Variants in GPC6 observed in about 807,000 individuals in gnomAD.
The protein encoded by GPC6 is glypican-6.
In GPC6, 14 loss-of-function variants were observed where a neutral mutation model predicts 55.2. That is an observed-to-expected ratio of 0.25 (90% confidence interval 0.17 to 0.40). The LOEUF (loss-of-function observed/expected upper bound fraction) is 0.40, where lower values mean the gene tolerates loss of function less well. Among genes scored for constraint, GPC6 ranks in the 10% least tolerant of loss-of-function variants. The pLI is 1.00. For missense variants in GPC6, 641 were observed against 708.5 expected, an observed-to-expected ratio of 0.90 and a Z score of 1.08; for synonymous variants, 278 against 259.6, an observed-to-expected ratio of 1.07 and a Z score of -0.68.
At chr13:93,610,217 A>G (rs1393798761) in intron 2 of GPC6, among the ~76,000 whole-genome samples, 1 of 152,200 alleles carries the variant, frequency 6.6e-6, no homozygotes, top group Non-Finnish European at 1.5e-5. Flanking sequence ...TTTTAACTAG[A>G]TGGAGGGGAG....
chr13:93,804,374 T>C (rs899494104), intron 2 of GPC6, among the ~76,000 whole-genome samples: 4 of 152,212 alleles, frequency 2.6e-5, no homozygotes, highest in East Asian at 1.9e-4. Flanking sequence ...CCATTACATA[T>C]GTACATGACC....
At chr13:93,362,375 TACC>T (rs1881071403) in intron 1 of GPC6, among the ~76,000 whole-genome samples, 2 of 152,160 alleles carry the variant, frequency 1.3e-5, no homozygotes, top group African/African-American at 4.8e-5. Flanking sequence ...ACAGTATTAG[TACC>T]CATAAAGACA....
At chr13:94,342,666 G>A (rs969824841) in intron 6 of GPC6, among the ~76,000 whole-genome samples, 2 of 152,196 alleles carry the variant, frequency 1.3e-5, no homozygotes, top group African/African-American at 4.8e-5. Context: ...CGTGCGCAAA[G>A]CTAAGAACTG....
At chr13:94,233,226 A>G (rs1890784931) in intron 4 of GPC6, among the ~76,000 whole-genome samples, 2 of 151,972 alleles carry the variant, frequency 1.3e-5, no homozygotes, top group Admixed American at 1.3e-4. Context: ...TTTTGGATGG[A>G]GAGAATTATG....
chr13:93,415,033 G>A (rs1323990), intron 1 of GPC6, among the ~76,000 whole-genome samples: 92,390 of 151,922 alleles, frequency 0.61, 28,320 homozygotes, highest in East Asian at 0.79. Flanking sequence ...ATAGCCTCCG[G>A]GGCTTTTTAT....
chr13:93,292,923 A>G (rs1878364488), intron 1 of GPC6, among the ~76,000 whole-genome samples: 1 of 152,218 alleles, frequency 6.6e-6, no homozygotes, highest in South Asian at 2.1e-4. Context: ...CTGGCTAAAG[A>G]CACTCATATT....
At chr13:94,071,012 T>C (rs1241874310) in intron 4 of GPC6, among the ~76,000 whole-genome samples, 3 of 152,224 alleles carry the variant, frequency 2.0e-5, no homozygotes, top group Non-Finnish European at 4.4e-5. Context: ...AGGTCACCTC[T>C]GGGCTCATTA....
chr13:93,563,809 T>C (rs2139462319), intron 2 of GPC6, among the ~76,000 whole-genome samples: 1 of 152,036 alleles, frequency 6.6e-6, no homozygotes, highest in East Asian at 1.9e-4. Flanking sequence ...ATGGTTTGTC[T>C]ATTCTTAGGA....
intron 6 of GPC6, among the ~76,000 whole-genome samples, chr13:94,364,667 C>T (rs1879210906): frequency 6.6e-6 from 1 of 152,102 alleles, no homozygotes; most frequent in South Asian, 2.1e-4. Flanking sequence ...TAATTGAAGG[C>T]AGGACCACGT....
At chr13:93,656,778 C>T (rs2139606537) in intron 2 of GPC6, among the ~76,000 whole-genome samples, 1 of 152,058 alleles carries the variant, frequency 6.6e-6, no homozygotes, top group South Asian at 2.1e-4. Context: ...AATCAATGTG[C>T]AAAAATCACT....
intron 1 of GPC6, among the ~76,000 whole-genome samples, chr13:93,406,713 G>A (rs529287710): frequency 2.0e-5 from 3 of 152,210 alleles, no homozygotes; most frequent in East Asian, 1.9e-4. Flanking sequence ...TGAAAATGGG[G>A]TACTATTGTC....
chr13:93,421,685 A>G (rs528178143), intron 1 of GPC6, among the ~76,000 whole-genome samples: 2 of 152,128 alleles, frequency 1.3e-5, no homozygotes, highest in African/African-American at 4.8e-5. Flanking sequence ...ACCACTTAAC[A>G]TCCTTTTAAT....
At chr13:93,823,336 T>G (rs1035834035) in intron 2 of GPC6, among the ~76,000 whole-genome samples, 2 of 152,288 alleles carry the variant, frequency 1.3e-5, no homozygotes, top group Non-Finnish European at 2.9e-5. Context: ...TCCTGCTGTC[T>G]TGTTCTTTCC....
chr13:93,883,493 G>A (rs1875125835), intron 3 of GPC6, among the ~76,000 whole-genome samples: 1 of 151,866 alleles, frequency 6.6e-6, no homozygotes, highest in South Asian at 2.1e-4. Context: ...CCATAATTCA[G>A]TATTGTCAAG....
chr13:94,125,738 T>C (rs1452713892), intron 4 of GPC6, among the ~76,000 whole-genome samples: 1 of 151,004 alleles, frequency 6.6e-6, no homozygotes, highest in Non-Finnish European at 1.5e-5. Flanking sequence ...TTTTTTTAAA[T>C]ACAAAATAGT....
intron 1 of GPC6, among the ~76,000 whole-genome samples, chr13:93,396,913 T>G (rs1875880805): frequency 6.6e-6 from 1 of 152,140 alleles, no homozygotes; most frequent in Non-Finnish European, 1.5e-5. Flanking sequence ...TCCCTTATTA[T>G]GCAACTTTTC....
chr13:93,517,821 C>A (rs1881258729), intron 1 of GPC6, among the ~76,000 whole-genome samples: 1 of 151,788 alleles, frequency 6.6e-6, no homozygotes, highest in African/African-American at 2.4e-5. Flanking sequence ...CATGAAAATG[C>A]CTTCATATTA....
chr13:94,254,385 C>A (rs1891444142), intron 4 of GPC6, among the ~76,000 whole-genome samples: 1 of 152,088 alleles, frequency 6.6e-6, no homozygotes, highest in Non-Finnish European at 1.5e-5. Flanking sequence ...ATATATCATA[C>A]CCTGTTGAAT....
At chr13:94,175,109 T>C (rs776203367) in intron 4 of GPC6, among the ~76,000 whole-genome samples, 9 of 152,178 alleles carry the variant, frequency 5.9e-5, no homozygotes, top group Admixed American at 3.9e-4. Flanking sequence ...TGTACATTTT[T>C]CTGTCTGGCT....
Sources: gnomAD v4.1 joint callset for allele counts (sites outside exome capture counted in the v4.1 genomes callset) on GRCh38, gnomAD v4.1.1 for gene constraint, MANE v1.5 for transcripts, NCBI Gene and HGNC (gene_info 2026-07-23, HGNC 2026-07-21) for gene names.